The following COL19A1 variants were observed in gnomAD, a reference collection of about 807,000 sequenced individuals.
The protein encoded by COL19A1 is collagen type XIX alpha 1 chain, also known as collagen alpha-1(XIX) chain.
In COL19A1, 159 loss-of-function variants were observed where a neutral mutation model predicts 190.2. The observed-to-expected ratio is 0.84, with a 90% confidence interval of 0.73 to 0.95. The LOEUF is 0.95. Ranked by LOEUF, COL19A1 falls within the 40% of genes least tolerant of loss-of-function variation. The pLI is 0.00. For missense variants in COL19A1, 1,418 were observed against 1,431.9 expected, an observed-to-expected ratio of 0.99 and a Z score of 0.16; for synonymous variants, 509 against 458.9, an observed-to-expected ratio of 1.11 and a Z score of -1.39.
At chr6:69,996,085 G>A (rs1320734256) in intron 11 of COL19A1, among the ~76,000 whole-genome samples, 1 of 152,122 alleles carries the variant, frequency 6.6e-6, no homozygotes, top group African/African-American at 2.4e-5. Context: ...GTGGCCTGAT[G>A]AGGTCATCAT....
chr6:70,156,476 A>ATG, intron 33 of COL19A1, 107 bp downstream of exon 33: 3 of 994,904 alleles, frequency 3.0e-6, no homozygotes, highest in Non-Finnish European at 4.5e-6. Flanking sequence ...CTATATATAT[A>ATG]TATGTATGTA....
At chr6:70,102,074 A>C in intron 15 of COL19A1, 95 bp from the exon 16 acceptor site, 1 of 1,039,746 alleles carries the variant, frequency 9.6e-7, no homozygotes, top group Non-Finnish European at 1.5e-6. Context: ...CTTTCTGTTC[A>C]TTTTTACTGT....
rs75355495 is a variant in COL19A1, at chr6:69,970,704, C to T, written c.1026+7834C>T. Among the ~76,000 whole-genome samples, 1,401 of 152,276 alleles carry T rather than the reference C, an allele frequency of 9.2e-3. 10 individuals are homozygous for T. Among genetic ancestry groups the T allele is most frequent in the Non-Finnish European group, 0.016 (1,094 of 68,020 alleles). Reference sequence around the variant, plus strand: ...GTGAATTCTGTCTTGGTTCACCTTGCAGAGTTCTACTGAACATCAGCGTGT... The same window carrying T: ...GTGAATTCTGTCTTGGTTCACCTTGTAGAGTTCTACTGAACATCAGCGTGT... On this transcript the variant is annotated intron_variant, in intron 11 of 50. Coordinates refer to ENST00000620364, the MANE Select transcript of COL19A1 (RefSeq NM_001858.6).
chr6:70,184,618 G>T (rs1766390174), intron 44 of COL19A1, 85 bp from the exon 45 acceptor site: 1 of 1,041,018 alleles, frequency 9.6e-7, no homozygotes, highest in Admixed American at 2.2e-5. Context: ...TATGATTAAG[G>T]AACTGTCCTC....
At chr6:69,961,797 T>G (rs1014683160) in intron 10 of COL19A1, among the ~76,000 whole-genome samples, 2 of 152,068 alleles carry the variant, frequency 1.3e-5, no homozygotes, top group African/African-American at 4.8e-5. Context: ...TATATGCAAT[T>G]ATGTGGGTAT....
chr6:69,938,672 G>T (rs1410604075), intron 9 of COL19A1, among the ~76,000 whole-genome samples: 2 of 152,110 alleles, frequency 1.3e-5, no homozygotes, highest in African/African-American at 4.8e-5. Flanking sequence ...TAGGAGAGTT[G>T]CAAGTGTCCT....
At chr6:69,880,193 G>A (rs746544478) in intron 2 of COL19A1, among the ~76,000 whole-genome samples, 1 of 152,154 alleles carries the variant, frequency 6.6e-6, no homozygotes, top group Non-Finnish European at 1.5e-5. Flanking sequence ...ATTATTAAAT[G>A]TATCAGTCTT....
chr6:70,193,227 C>T (rs1766991748), intron 48 of COL19A1, among the ~76,000 whole-genome samples: 1 of 152,222 alleles, frequency 6.6e-6, no homozygotes, highest in Admixed American at 6.5e-5. Flanking sequence ...ACTTCTACTC[C>T]CTCCTGGGGA....
At chr6:70,017,181 A>G in intron 11 of COL19A1, among the ~76,000 whole-genome samples, 1 of 152,184 alleles carries the variant, frequency 6.6e-6, no homozygotes, top group East Asian at 1.9e-4. Flanking sequence ...GCCATGCAAC[A>G]TGGGTAAACT....
At chr6:70,174,485 A>G (rs377097051) in intron 41 of COL19A1, among the ~76,000 whole-genome samples, 1 of 151,830 alleles carries the variant, frequency 6.6e-6, no homozygotes, top group East Asian at 1.9e-4. Flanking sequence ...ACTTGAACCC[A>G]GGAGGCAGAG....
At chr6:70,098,574 A>T (rs1783427396) in intron 15 of COL19A1, 1 of 424,938 alleles carries the variant, frequency 2.4e-6, no homozygotes. Context: ...GGGTAGCCAC[A>T]TTTGCCACAG....
Position 70,056,941 on chromosome 6 carries a change from AT to A in COL19A1, c.1171-11479del, listed in dbSNP as rs761192595. ...GTAGTATGTGAGTATTTCTGTACTGATTTATTTTTTAAGCCAAAAATTACTA... is the reference window on the plus strand; with the variant it reads ...GTAGTATGTGAGTATTTCTGTACTGATTATTTTTTAAGCCAAAAATTACTA... On this transcript the variant is annotated intron_variant, in intron 14 of 50. Transcript: ENST00000620364. 3.5e-4 allele frequency among the ~76,000 whole-genome samples: 54 copies of A among 152,166 alleles called. 1 individual carries two copies. Among genetic ancestry groups the A allele is most frequent in the Middle Eastern group, 3.4e-3 (1 of 294 alleles).
intron 11 of COL19A1, among the ~76,000 whole-genome samples, chr6:69,972,055 T>C (rs1480384344): frequency 6.6e-6 from 1 of 152,218 alleles, no homozygotes; most frequent in Non-Finnish European, 1.5e-5. Flanking sequence ...TTTCTGCTTC[T>C]ATTCCAGCCA....
At chr6:69,939,200 G>A (rs1318095456) in intron 9 of COL19A1, among the ~76,000 whole-genome samples, 1 of 152,016 alleles carries the variant, frequency 6.6e-6, no homozygotes, top group Non-Finnish European at 1.5e-5. Flanking sequence ...TGCATTGCTT[G>A]GGGTACCTTT....
At chr6:70,188,767 C>T (rs746142139) in intron 47 of COL19A1, among the ~76,000 whole-genome samples, 1 of 152,126 alleles carries the variant, frequency 6.6e-6, no homozygotes, top group Non-Finnish European at 1.5e-5. Flanking sequence ...AAAGGAAGCC[C>T]ATATCTTTAT....
intron 34 of COL19A1, among the ~76,000 whole-genome samples, chr6:70,158,502 C>T (rs1030956888): frequency 6.6e-6 from 1 of 151,996 alleles, no homozygotes; most frequent in Non-Finnish European, 1.5e-5. Flanking sequence ...GAGGAGTTGC[C>T]TGCTTGTTTG....
intron 4 of COL19A1, among the ~76,000 whole-genome samples, chr6:69,904,578 T>TG (rs1437951169): frequency 6.6e-6 from 1 of 152,128 alleles, no homozygotes. Context: ...TCCACTACTG[T>TG]GGGGGGTTCC....
chr6:70,022,689 C>T (rs74841139), intron 11 of COL19A1, among the ~76,000 whole-genome samples: 15,132 of 152,202 alleles, frequency 0.099, 813 homozygotes, highest in East Asian at 0.21. Flanking sequence ...TATTGGTTAA[C>T]ATTTATCCAC....
intron 3 of COL19A1, 84 bp downstream of exon 3, chr6:69,899,106 C>T: frequency 1.3e-6 from 1 of 786,302 alleles, no homozygotes; most frequent in Non-Finnish European, 2.1e-6. Flanking sequence ...ATAGGTGAAT[C>T]TTTGATACTG....
Sources: allele counts gnomAD v4.1 joint callset (sites outside exome capture counted in the v4.1 genomes callset), GRCh38; gene constraint gnomAD v4.1.1; transcripts MANE v1.5; gene names NCBI Gene and HGNC (gene_info 2026-07-23, HGNC 2026-07-21).